SPTBN1: variants seen among roughly 807,000 people sequenced by gnomAD.
SPTBN1 encodes spectrin beta chain, non-erythrocytic 1.
A neutral mutation model predicts 266.4 loss-of-function variants in SPTBN1; 32 were observed. The ratio of observed to expected loss-of-function variants is 0.12; its 90% CI spans 0.09 to 0.16. SPTBN1 has a LOEUF of 0.16. Among genes scored for constraint, SPTBN1 ranks in the 10% least tolerant of loss-of-function variants. SPTBN1 has a pLI of 1.00. For synonymous variants in SPTBN1, 1,336 were observed against 1,162.2 expected (o/e 1.15, Z -3.04); for missense variants, 2,296 against 3,067.1 (o/e 0.75, Z 5.94).
intron 1 of SPTBN1, among the ~76,000 whole-genome samples, chr2:54,471,779 G>A (rs1693930311): frequency 7.7e-6 from 1 of 129,092 alleles, no homozygotes; most frequent in Non-Finnish European, 1.7e-5. Flanking sequence ...TTACCAAGAG[G>A]TGCTTTCCTC....
At chr2:54,623,693 G>T (rs945981380) in intron 10 of SPTBN1, 97 bp downstream of exon 10, 1 of 992,870 alleles carries the variant, frequency 1.0e-6, no homozygotes, top group Non-Finnish European at 1.5e-6. Context: ...AGACTGGAAG[G>T]GGCTGTCCCC....
At chr2:54,472,022 G>GTTTTTGTTT (rs1693950161) in intron 1 of SPTBN1, among the ~76,000 whole-genome samples, 1 of 66,802 alleles carries the variant, frequency 1.5e-5, no homozygotes, top group African/African-American at 6.4e-5. Context: ...CCCTGAAGAT[G>GTTTTTGTTT]TTTTTTTTTT....
intron 1 of SPTBN1, among the ~76,000 whole-genome samples, chr2:54,457,020 G>A (rs1003551998): frequency 4.6e-5 from 7 of 151,686 alleles, no homozygotes; most frequent in Non-Finnish European, 7.4e-5. Context: ...GACAGGGCCG[G>A]GCTCTGCGCG....
chr2:54,545,804 C>G (rs1158224535), intron 2 of SPTBN1, among the ~76,000 whole-genome samples: 2 of 152,076 alleles, frequency 1.3e-5, no homozygotes, highest in Non-Finnish European at 2.9e-5. Context: ...GGCCCTCAGA[C>G]CTCTAAGATT....
intron 2 of SPTBN1, among the ~76,000 whole-genome samples, chr2:54,571,546 TACACACACACACAC>T (rs71408769): frequency 2.2e-5 from 3 of 134,444 alleles, no homozygotes; most frequent in African/African-American, 3.2e-5. Flanking sequence ...TAATTGTATG[TACACACACACACAC>T]ACACACACAC....
chr2:54,537,863 G>A (rs1351771229), intron 2 of SPTBN1, among the ~76,000 whole-genome samples: 2 of 152,112 alleles, frequency 1.3e-5, no homozygotes, highest in Non-Finnish European at 2.9e-5. Flanking sequence ...GGGGTGTTTG[G>A]GAGAAAGGCT....
chr2:54,635,190 C>T (rs1005204328), intron 17 of SPTBN1, among the ~76,000 whole-genome samples: 5 of 152,210 alleles, frequency 3.3e-5, no homozygotes, highest in African/African-American at 4.8e-5. Flanking sequence ...GTGGAAACTA[C>T]TCCCTAGTTT....
At chr2:54,615,371 C>T (rs1277238760) in intron 4 of SPTBN1, among the ~76,000 whole-genome samples, 1 of 152,216 alleles carries the variant, frequency 6.6e-6, no homozygotes, top group Non-Finnish European at 1.5e-5. Context: ...GCACCATCCA[C>T]TCCTGACTCC....
intron 1 of SPTBN1, among the ~76,000 whole-genome samples, chr2:54,488,492 A>C (rs1311845981): frequency 6.6e-6 from 1 of 152,064 alleles, no homozygotes; most frequent in African/African-American, 2.4e-5. Context: ...CTCTAGTTTC[A>C]TTCAGTGAGT....
At chr2:54,630,056 G>C (rs758269754) in intron 15 of SPTBN1, 27 bp downstream of exon 15, 1 of 1,607,628 alleles carries the variant, frequency 6.2e-7, no homozygotes, top group African/African-American at 1.3e-5. Context: ...CAGTGTGCCA[G>C]CCTCCCACGT....
chr2:54,616,357 G>C, intron 5 of SPTBN1, 59 bp downstream of exon 5: 1 of 1,488,286 alleles, frequency 6.7e-7, no homozygotes, highest in Non-Finnish European at 9.3e-7. Flanking sequence ...TTCCACTGCA[G>C]TCATCACTTA....
chr2:54,478,614 AT>A (rs1667961267), intron 1 of SPTBN1, among the ~76,000 whole-genome samples: 1 of 152,176 alleles, frequency 6.6e-6, no homozygotes, highest in South Asian at 2.1e-4. Flanking sequence ...GGCTGAAACT[AT>A]TGCTGTTAAC....
intron 2 of SPTBN1, chr2:54,557,913 G>T (rs976704952): frequency 1.0e-6 from 1 of 984,830 alleles, no homozygotes; most frequent in African/African-American, 1.8e-5. Flanking sequence ...GGCCGCCGCC[G>T]CGTGGTTGGC....
Position 54,664,511 on chromosome 2 carries a change from G to A in SPTBN1, c.6479G>A (p.Ser2160Asn), listed in dbSNP as rs777711778. The A allele has an allele frequency of 6.2e-7, 1 of 1,614,148 alleles. No individual in the cohort carries two copies. Among genetic ancestry groups the A allele is most frequent in the South Asian group, 1.1e-5 (1 of 91,090 alleles). The change falls in exon 33 of 36, where the codon AGC becomes AAC. Residue 2160 changes from serine to asparagine, a missense_variant. Transcript: ENST00000356805. This position sits in a 1 kb window ranked among gnomAD's most constrained non-coding sequence, Gnocchi z 5.6. ...AACGGCGCTACAGAACAAAGGACGA[G>A]CTCTAAAGAGTCCAGCCCCATCCCC... The part of the protein sequence containing the change: ...MVNGATEQRT[S>N]SKESSPIPSP...
At chr2:54,644,650 C>G in intron 20 of SPTBN1, 64 bp downstream of exon 20, 4 of 1,524,894 alleles carry the variant, frequency 2.6e-6, no homozygotes, top group Non-Finnish European at 3.5e-6. Flanking sequence ...TCCTTAGAGT[C>G]TTTTCTCACC....
At chr2:54,458,760 A>T (rs1444664914) in intron 1 of SPTBN1, among the ~76,000 whole-genome samples, 1 of 152,220 alleles carries the variant, frequency 6.6e-6, no homozygotes, top group Admixed American at 6.5e-5. Context: ...TCAAATGTCA[A>T]CCCAGGCTTT....
At chr2:54,507,099 C>A (rs1189043475) in intron 1 of SPTBN1, among the ~76,000 whole-genome samples, 1 of 151,986 alleles carries the variant, frequency 6.6e-6, no homozygotes, top group Non-Finnish European at 1.5e-5. Flanking sequence ...TTATATAGAA[C>A]CTTCTTAAGG....
At chr2:54,530,116 A>G (rs930516555) in intron 2 of SPTBN1, among the ~76,000 whole-genome samples, 14 of 152,088 alleles carry the variant, frequency 9.2e-5, no homozygotes, top group African/African-American at 2.4e-4. Flanking sequence ...GGTAGATACA[A>G]TCTAATCTAG....
intron 17 of SPTBN1, among the ~76,000 whole-genome samples, chr2:54,635,218 G>T (rs1373028223): frequency 6.6e-6 from 1 of 152,182 alleles, no homozygotes; most frequent in Non-Finnish European, 1.5e-5. Context: ...TCCTTCTCAG[G>T]CCCTTCCCTG....
Sources: gnomAD v4.1 joint callset for allele counts (sites outside exome capture counted in the v4.1 genomes callset) on GRCh38, gnomAD v4.1.1 for gene constraint, Gnocchi (gnomAD v3.1) non-coding constraint, MANE v1.5 for transcripts, NCBI Gene and HGNC (gene_info 2026-07-23, HGNC 2026-07-21) for gene names.